The following DNAJC17 variants were observed in gnomAD, a reference collection of about 807,000 sequenced individuals.
DNAJC17 encodes the protein dnaJ homolog subfamily C member 17.
DNAJC17 carries 35 observed loss-of-function variants against 48.1 expected under a neutral mutation model. The ratio of observed to expected loss-of-function variants is 0.73; its 90% CI spans 0.56 to 0.96. The LOEUF is 0.96. DNAJC17 is among the 50% of genes least tolerant of loss of function. DNAJC17 has a pLI of 0.00. For synonymous variants in DNAJC17, 117 were observed against 142.7 expected (o/e 0.82, Z 1.28); for missense variants, 355 against 377.1 (o/e 0.94, Z 0.48).
In DNAJC17 at chr15:40,770,761, G is replaced by A. The variant is rs1339926741; in HGVS notation, c.793-2699C>T. 2.6e-6 allele frequency: 4 copies of A among 1,546,080 alleles called. No individual in the cohort carries two copies. Among genetic ancestry groups the A allele is most frequent in the Middle Eastern group, 1.7e-4 (1 of 5,992 alleles). ...AAGCCCCCACGCCTCTACCGAGAGAGCTCAAGCTGCCCCAACATCCTGGAG... is the reference window on the plus strand; with the variant it reads ...AAGCCCCCACGCCTCTACCGAGAGAACTCAAGCTGCCCCAACATCCTGGAG... On this transcript the variant is annotated intron_variant, in intron 10 of 10. Transcript: ENST00000220496. This position sits in a 1 kb window ranked among gnomAD's most constrained non-coding sequence, Gnocchi z 5.0.
intron 1 of DNAJC17, among the ~76,000 whole-genome samples, chr15:40,797,575 G>A (rs1234603283): frequency 6.6e-6 from 1 of 151,746 alleles, no homozygotes. Context: ...ACCATGCCCA[G>A]CTAATTTTTG....
intron 1 of DNAJC17, among the ~76,000 whole-genome samples, chr15:40,789,903 C>CAAAAAAAAAAAAAAAAAAAAAAAAAAA (rs71428311): frequency 1.5e-4 from 3 of 20,012 alleles, no homozygotes; most frequent in Admixed American, 8.0e-4. Flanking sequence ...CAGACTGTCT[C>CAAAAAAAAAAAAAAAAAAAAAAAAAAA]AAAAAAAAAA....
intron 1 of DNAJC17, among the ~76,000 whole-genome samples, chr15:40,795,645 C>T (rs2141961165): frequency 6.6e-6 from 1 of 152,232 alleles, no homozygotes; most frequent in East Asian, 1.9e-4. Flanking sequence ...ACCTGTAATC[C>T]CAGCACTTTG....
In DNAJC17 at chr15:40,773,808, CA is replaced by C. The variant is rs757074251; in HGVS notation, c.710del (p.Leu237ArgfsTer6). The C allele has an allele frequency of 1.1e-5, 17 of 1,613,980 alleles. No homozygotes were observed. Among genetic ancestry groups the C allele is most frequent in the Non-Finnish European group, 1.2e-5 (14 of 1,179,978 alleles). On this transcript the variant is annotated frameshift_variant, in exon 10 of 11. Transcript: ENST00000220496. LOFTEE classifies it high-confidence loss of function. ...AELAVQNEVG[L>X]VDNPLKISWL... ...AGGAAATCTTCAGAGGGTTATCCACCAGGCCAACTTCATTCTGGACAGCCAG... is the reference window on the plus strand; with the variant it reads ...AGGAAATCTTCAGAGGGTTATCCACCGGCCAACTTCATTCTGGACAGCCAG...
chr15:40,782,517 G>T lies in DNAJC17; in HGVS notation c.79-2520C>A, dbSNP rs191865866. Among the ~76,000 whole-genome samples the T allele has an allele frequency of 2.1e-4, 32 of 152,258 alleles. No homozygotes were observed. In the East Asian group the frequency reaches 6.2e-3, roughly 29 times the overall value. On this transcript the variant is annotated intron_variant, in intron 1 of 10. Transcript: ENST00000220496. ...TTTCGTGTGCTACCTAATAGCTGTT[G>T]TAAGTGAAGACAGTGTACACAACCC... is the stretch of plus-strand genomic sequence containing the variant.
Position 40,767,396 on chromosome 15 carries a change from C to A in DNAJC17, c.*544G>T. ...ACGGGGCACCCCTGTGGAGGGGCTG[C>A]TGTGGGCCCTGACCTCCAAGCTCCT... On this transcript the variant is annotated 3_prime_UTR_variant, in exon 11 of 11. Coordinates refer to ENST00000220496, the MANE Select transcript of DNAJC17 (RefSeq NM_018163.3). 6.5e-7 allele frequency: 1 copy of A among 1,549,040 alleles called. No homozygotes were observed. The highest frequency in any genetic ancestry group is 8.7e-7 in the Non-Finnish European group (1 of 1,149,324).
chr15:40,774,762 C>G (rs1889270425), intron 8 of DNAJC17, among the ~76,000 whole-genome samples: 1 of 152,218 alleles, frequency 6.6e-6, no homozygotes, highest in Non-Finnish European at 1.5e-5. Context: ...TCCCTCCCAA[C>G]CCACTCAACC....
chr15:40,784,267 C>A (rs1253008905), intron 1 of DNAJC17, among the ~76,000 whole-genome samples: 1 of 151,930 alleles, frequency 6.6e-6, no homozygotes, highest in Non-Finnish European at 1.5e-5. Flanking sequence ...GGGTGTCCAG[C>A]AGTGGCATCT....
At chr15:40,785,135 C>G (rs1889606797) in intron 1 of DNAJC17, among the ~76,000 whole-genome samples, 1 of 152,072 alleles carries the variant, frequency 6.6e-6, no homozygotes, top group Admixed American at 6.6e-5. Context: ...AACAACATCT[C>G]TGAAAGAAAA....
In DNAJC17 at chr15:40,767,797, G is replaced by C; in HGVS notation, c.*143C>G. 8.0e-7 allele frequency: 1 copy of C among 1,252,358 alleles called. No homozygotes were observed. The highest frequency in any genetic ancestry group is 1.1e-6 in the Non-Finnish European group (1 of 931,206). 77.6% of individuals were successfully genotyped at this position (1,252,358 alleles called of 1,614,324 possible). On this transcript the variant is annotated 3_prime_UTR_variant, in exon 11 of 11. Coordinates refer to ENST00000220496, the MANE Select transcript of DNAJC17 (RefSeq NM_018163.3). ...GGGGTCTGCCCACTTCCTGGGAGGGGCGCCAGGCCTGGGTGGAGCGCTCTG... is the reference window on the plus strand; with the variant it reads ...GGGGTCTGCCCACTTCCTGGGAGGGCCGCCAGGCCTGGGTGGAGCGCTCTG...
In DNAJC17 at chr15:40,767,189, T is replaced by C. The variant is rs2301176; in HGVS notation, c.*751A>G. On this transcript the variant is annotated 3_prime_UTR_variant, in exon 11 of 11. Coordinates refer to ENST00000220496, the MANE Select transcript of DNAJC17 (RefSeq NM_018163.3). ...AGCTTTGTACCAGGAGCTTGCTGTGTGCCCCTCCTCACCCCCCCCATCCTG... is the reference window on the plus strand; with the variant it reads ...AGCTTTGTACCAGGAGCTTGCTGTGCGCCCCTCCTCACCCCCCCCATCCTG... The C allele has an allele frequency of 0.043, 63,269 of 1,457,468 alleles. 1,869 individuals carry two copies. The highest frequency in any genetic ancestry group is 0.14 in the African/African-American group (9,379 of 67,678). 90.3% of individuals were successfully genotyped at this position (1,457,468 alleles called of 1,614,324 possible). A position where few individuals can be genotyped will look rare whatever the true frequency, so the allele number is the denominator to read the frequency against.
At chr15:40,779,755 A>C (rs929747034) in intron 2 of DNAJC17, 152 bp from the exon 3 acceptor site, 10 of 1,089,360 alleles carry the variant, frequency 9.2e-6, no homozygotes, top group Non-Finnish European at 1.3e-5. Flanking sequence ...AGGGGTGAGC[A>C]TATCAGCAAC....
At position 40,776,562 on chromosome 15, in the gene DNAJC17, T is replaced by C; in HGVS notation, c.361A>G (p.Thr121Ala). The C allele has an allele frequency of 6.2e-7, 1 of 1,614,080 alleles. No individual in the cohort carries two copies. Among genetic ancestry groups the C allele is most frequent in the Non-Finnish European group, 8.5e-7 (1 of 1,180,014 alleles). Reference sequence around the variant, plus strand: ...CTCACCTCTTGCTCTAGTGTCCTGGTGCTCCGGCTCTCCTCTTCCTCCTCA... The same window carrying C: ...CTCACCTCTTGCTCTAGTGTCCTGGCGCTCCGGCTCTCCTCTTCCTCCTCA... ...ESEEEEESRS[T>A]RTLEQEIERL... The change falls in exon 5 of 11, where the codon ACC becomes GCC. Residue 121 changes from threonine to alanine, a missense_variant. Transcript: ENST00000220496.
rs1215840819 is a variant in DNAJC17, at chr15:40,765,853, T to C, written c.*2087A>G. The C allele has an allele frequency of 2.5e-6, 4 of 1,583,598 alleles. No individual in the cohort carries two copies. In the Admixed American group the frequency reaches 6.9e-5, roughly 27 times the overall value. On this transcript the variant is annotated 3_prime_UTR_variant, in exon 11 of 11. Coordinates refer to ENST00000220496, the MANE Select transcript of DNAJC17 (RefSeq NM_018163.3). ...AGGTGGGCCCCACTATGGTGGGCGA[T>C]GAACAGTCGGATCCAGAGCTGATGC...
chr15:40,776,942 G>T (rs1222982813), intron 4 of DNAJC17: 1 of 268,250 alleles, frequency 3.7e-6, no homozygotes, highest in African/African-American at 2.2e-5. Flanking sequence ...TGTGTCAGGG[G>T]TGCCAATGGG....
At chr15:40,799,345 A>G (rs575550363) in intron 1 of DNAJC17, among the ~76,000 whole-genome samples, 1 of 150,162 alleles carries the variant, frequency 6.7e-6, no homozygotes, top group African/African-American at 2.4e-5. Flanking sequence ...CTTTCCCACA[A>G]AAAAAAAAAC....
chr15:40,769,292 G>A lies in DNAJC17; in HGVS notation c.793-1230C>T, dbSNP rs1424481448. 6.6e-6 allele frequency among the ~76,000 whole-genome samples: 1 copy of A among 152,214 alleles called. No homozygotes were observed. The highest frequency in any genetic ancestry group is 2.4e-5 in the African/African-American group (1 of 41,466). ...CCCCAGAGGAAGCCCGGTAGCCAGA[G>A]GGGAAGGGCTGGAGCACAGCCAGGT... On this transcript the variant is annotated intron_variant, in intron 10 of 10. Transcript: ENST00000220496. The surrounding 1 kb of genome is among the most constrained non-coding windows in gnomAD (Gnocchi z 4.2).
intron 10 of DNAJC17, among the ~76,000 whole-genome samples, chr15:40,772,669 C>A (rs1361342886): frequency 6.6e-6 from 1 of 152,230 alleles, no homozygotes; most frequent in Non-Finnish European, 1.5e-5. Flanking sequence ...AGCCTCCTGC[C>A]AGCCTGCTGA....
intron 1 of DNAJC17, among the ~76,000 whole-genome samples, chr15:40,803,885 A>G (rs1178950007): frequency 6.6e-6 from 1 of 152,100 alleles, no homozygotes; most frequent in Non-Finnish European, 1.5e-5. Context: ...TCTCTTGCCT[A>G]GACACCAGCC....
Sources: gnomAD v4.1 joint callset for allele counts (sites outside exome capture counted in the v4.1 genomes callset) on GRCh38, gnomAD v4.1.1 for gene constraint, Gnocchi (gnomAD v3.1) non-coding constraint, MANE v1.5 for transcripts, NCBI Gene and HGNC (gene_info 2026-07-23, HGNC 2026-07-21) for gene names.